STAU2: variants seen among roughly 807,000 people sequenced by gnomAD.
STAU2 encodes staufen double-stranded RNA binding protein 2.
STAU2 carries 20 observed loss-of-function variants against 65.9 expected under a neutral mutation model. That is an observed-to-expected ratio of 0.30 (90% confidence interval 0.21 to 0.44). The LOEUF (loss-of-function observed/expected upper bound fraction) is 0.44. Ranked by LOEUF, STAU2 falls within the 20% of genes least tolerant of loss-of-function variation. The pLI is 1.00. For synonymous variants in STAU2, 232 were observed against 233.9 expected, an observed-to-expected ratio of 0.99 and a Z score of 0.07; for missense variants, 558 against 683.9, an observed-to-expected ratio of 0.82 and a Z score of 2.05.
chr8:73,574,763 A>C (rs867870405), intron 12 of STAU2, among the ~76,000 whole-genome samples: 1 of 152,044 alleles, frequency 6.6e-6, no homozygotes, highest in African/African-American at 2.4e-5. Context: ...GTCATGGGGT[A>C]GGGGGCTGAG....
intron 13 of STAU2, among the ~76,000 whole-genome samples, chr8:73,521,753 T>C (rs188455867): frequency 6.6e-6 from 1 of 152,314 alleles, no homozygotes; most frequent in Admixed American, 6.5e-5. Flanking sequence ...TAGGCTAAGC[T>C]AAACTAAACT....
intron 13 of STAU2, among the ~76,000 whole-genome samples, chr8:73,528,840 T>A (rs1805613033): frequency 6.6e-6 from 1 of 152,154 alleles, no homozygotes; most frequent in Admixed American, 6.5e-5. Flanking sequence ...AATTGCTGCA[T>A]AATGTCCATA....
chr8:73,696,874 CAAG>C (rs548405822), intron 4 of STAU2, among the ~76,000 whole-genome samples: 3 of 151,986 alleles, frequency 2.0e-5, no homozygotes, highest in Non-Finnish European at 2.9e-5. Context: ...CATTCAAATA[CAAG>C]AAGGTTATAG....
intron 13 of STAU2, among the ~76,000 whole-genome samples, chr8:73,476,230 C>T (rs1352009092): frequency 6.6e-6 from 1 of 152,172 alleles, no homozygotes; most frequent in African/African-American, 2.4e-5. Context: ...CTTCTACACA[C>T]CTCTGAGGAC....
chr8:73,727,264 T>C (rs1296628991), intron 3 of STAU2, among the ~76,000 whole-genome samples: 2 of 152,026 alleles, frequency 1.3e-5, no homozygotes, highest in East Asian at 1.9e-4. Flanking sequence ...AACTGAATAT[T>C]CCAGTGGTAT....
intron 13 of STAU2, among the ~76,000 whole-genome samples, chr8:73,434,491 T>C (rs1817553188): frequency 6.6e-6 from 1 of 151,884 alleles, no homozygotes; most frequent in African/African-American, 2.4e-5. Flanking sequence ...GGGAGAGGGC[T>C]TGGCATGTGG....
At chr8:73,464,707 TA>T (rs1018257853) in intron 13 of STAU2, among the ~76,000 whole-genome samples, 1 of 151,580 alleles carries the variant, frequency 6.6e-6, no homozygotes, top group Admixed American at 6.6e-5. Context: ...AAACAAAGTG[TA>T]AAAAAAAGGA....
At chr8:73,657,361 C>T (rs1409057768) in intron 6 of STAU2, among the ~76,000 whole-genome samples, 1 of 151,932 alleles carries the variant, frequency 6.6e-6, no homozygotes, top group Non-Finnish European at 1.5e-5. Context: ...AAGCAAAGGG[C>T]CCTTCTACTT....
At chr8:73,601,473 T>C (rs1811625816) in intron 10 of STAU2, among the ~76,000 whole-genome samples, 1 of 152,198 alleles carries the variant, frequency 6.6e-6, no homozygotes, top group Non-Finnish European at 1.5e-5. Flanking sequence ...ACTGCATCCA[T>C]TTTTTAATAT....
At chr8:73,584,792 A>T (rs756595157) in intron 11 of STAU2, among the ~76,000 whole-genome samples, 3 of 152,256 alleles carry the variant, frequency 2.0e-5, no homozygotes, top group Non-Finnish European at 4.4e-5. Context: ...GATGGAAAGG[A>T]CTACTGCAAA....
chr8:73,431,210 A>G (rs778197573), intron 13 of STAU2, among the ~76,000 whole-genome samples: 1 of 152,234 alleles, frequency 6.6e-6, no homozygotes, highest in Non-Finnish European at 1.5e-5. Context: ...CCATAAACAA[A>G]TGGACAACTA....
intron 6 of STAU2, among the ~76,000 whole-genome samples, chr8:73,654,664 A>AAAAAAAAAAAAAC (rs1554556802): frequency 2.4e-5 from 3 of 122,980 alleles, no homozygotes; most frequent in Non-Finnish European, 3.4e-5. Context: ...AAAAAAAAGA[A>AAAAAAAAAAAAAC]CTCTTTTAAT....
chr8:73,687,338 T>A lies in STAU2; in HGVS notation c.274+1316A>T, dbSNP rs1307268094. On this transcript the variant is annotated intron_variant, in intron 5 of 14. Transcript: ENST00000524300. ...TTATATTTATATTTATAAATATAAT[T>A]TATATTTATAATTTATATAATATAA... Among the ~76,000 whole-genome samples the A allele has an allele frequency of 8.4e-4, 76 of 90,744 alleles. 1 individual carries two copies. The East Asian group carries it at 0.011, about 13-fold the overall frequency. 59.5% of individuals were successfully genotyped at this position (90,744 alleles called of 152,430 possible). A position where few individuals can be genotyped will look rare whatever the true frequency, so the allele number is the denominator to read the frequency against.
chr8:73,612,729 A>G lies in STAU2; in HGVS notation c.891+1015T>C, dbSNP rs148151776. Among the ~76,000 whole-genome samples the G allele has an allele frequency of 4.0e-3, 615 of 152,356 alleles. 4 individuals carry two copies. The highest frequency in any genetic ancestry group is 0.014 in the African/African-American group (568 of 41,580). On this transcript the variant is annotated intron_variant, in intron 9 of 14. Transcript: ENST00000524300. ...AGGTATAAAACCTGTAAAAATACCT[A>G]AATTGTGCCATTGTGCAATCAAAAG... is the stretch of plus-strand genomic sequence containing the variant.
chr8:73,651,729 G>A, intron 6 of STAU2: 1 of 437,640 alleles, frequency 2.3e-6, no homozygotes. Context: ...CATACGCTGG[G>A]ACCAGCCCTG....
chr8:73,712,785 T>C (rs556380259), intron 3 of STAU2, among the ~76,000 whole-genome samples: 32 of 152,198 alleles, frequency 2.1e-4, no homozygotes, highest in Admixed American at 4.6e-4. Context: ...CGAGACCTCA[T>C]CTCTACAAAA....
chr8:73,434,497 T>G lies in STAU2; in HGVS notation c.1531-11795A>C, dbSNP rs572113263. On this transcript the variant is annotated intron_variant, in intron 13 of 14. Transcript: ENST00000524300. ...AACAAGGAAGGGAGAGGGCTTGGCATGTGGAGTCTGTTAGACTTGGATTAA... is the reference window on the plus strand; with the variant it reads ...AACAAGGAAGGGAGAGGGCTTGGCAGGTGGAGTCTGTTAGACTTGGATTAA... 2.6e-5 allele frequency among the ~76,000 whole-genome samples: 4 copies of G among 151,986 alleles called. No individual in the cohort carries two copies. In the East Asian group the frequency reaches 7.7e-4, roughly 29 times the overall value.
intron 6 of STAU2, chr8:73,653,486 T>C (rs1380714562): frequency 6.6e-6 from 1 of 152,502 alleles, no homozygotes; most frequent in Non-Finnish European, 1.5e-5. Flanking sequence ...TGTGGTTAAC[T>C]GTAATTCTTC....
chr8:73,744,712 G>C (rs957009566), intron 1 of STAU2, among the ~76,000 whole-genome samples: 11 of 152,124 alleles, frequency 7.2e-5, no homozygotes, highest in African/African-American at 2.7e-4. Context: ...CCAAGCTCAA[G>C]TATTTAGGAG....
Sources: gnomAD v4.1 joint callset for allele counts (sites outside exome capture counted in the v4.1 genomes callset) on GRCh38, gnomAD v4.1.1 for gene constraint, MANE v1.5 for transcripts, NCBI Gene and HGNC (gene_info 2026-07-23, HGNC 2026-07-21) for gene names.